The following KITLG variants were observed in gnomAD, a reference collection of about 807,000 sequenced individuals.
The protein encoded by KITLG is c-Kit ligand.
Under a neutral mutation model 34.1 loss-of-function variants are expected in KITLG, and 13 were observed. That is an observed-to-expected ratio of 0.38 (90% CI 0.25 to 0.61). The LOEUF is 0.61. KITLG is among the 20% of genes least tolerant of loss of function. KITLG has a pLI of 0.60. For missense variants in KITLG, 292 were observed against 318.9 expected, an observed-to-expected ratio of 0.92 and a Z score of 0.64; for synonymous variants, 110 against 104.0, an observed-to-expected ratio of 1.06 and a Z score of -0.35.
chr12:88,555,574 T>C lies in KITLG; in HGVS notation c.16-9709A>G, dbSNP rs574351670. Among the ~76,000 whole-genome samples, 6 of 152,348 alleles carry C rather than the reference T, an allele frequency of 3.9e-5. No individual in the cohort carries two copies. The South Asian group carries it at 1.2e-3, about 32-fold the overall frequency. ...AAAGGGTCATGTTACAGAAGGCATA[T>C]AGGTCTCTTTAACTCAATCAGTTTC... On this transcript the variant is annotated intron_variant, in intron 1 of 9. Transcript: ENST00000644744.
chr12:88,540,314 AG>A (rs1870475656), intron 2 of KITLG, among the ~76,000 whole-genome samples: 1 of 152,166 alleles, frequency 6.6e-6, no homozygotes, highest in South Asian at 2.1e-4. Context: ...TAGGTAGTTA[AG>A]GGGTCAAACC....
At chr12:88,545,951 C>A in intron 1 of KITLG, 86 bp from the exon 2 acceptor site, 1 of 796,458 alleles carries the variant, frequency 1.3e-6, no homozygotes. Context: ...CCTTGATGCA[C>A]AAAAAGACCA....
intron 9 of KITLG, among the ~76,000 whole-genome samples, chr12:88,501,308 G>A (rs888024205): frequency 1.3e-5 from 2 of 152,084 alleles, no homozygotes; most frequent in African/African-American, 2.4e-5. Context: ...AGAAATCCTT[G>A]CCATAAACCT....
At chr12:88,545,008 C>T (rs1386671412) in intron 2 of KITLG, among the ~76,000 whole-genome samples, 1 of 152,154 alleles carries the variant, frequency 6.6e-6, no homozygotes, top group Non-Finnish European at 1.5e-5. Context: ...AAGCTTTGTT[C>T]ATCCCGAAAT....
intron 4 of KITLG, among the ~76,000 whole-genome samples, chr12:88,518,342 T>A (rs1039986041): frequency 3.9e-5 from 6 of 152,180 alleles, no homozygotes; most frequent in African/African-American, 1.4e-4. Context: ...TAAAAGGATA[T>A]GTGTTTATTA....
chr12:88,524,795 C>A (rs886572832), intron 3 of KITLG, among the ~76,000 whole-genome samples: 10 of 152,184 alleles, frequency 6.6e-5, no homozygotes, highest in Non-Finnish European at 1.5e-4. Flanking sequence ...ATTCATTCAA[C>A]TAACATTTTA....
intron 1 of KITLG, among the ~76,000 whole-genome samples, chr12:88,560,648 T>G (rs1370008085): frequency 6.6e-6 from 1 of 152,142 alleles, no homozygotes; most frequent in African/African-American, 2.4e-5. Context: ...AACTTCAGCT[T>G]CACTAATATA....
At chr12:88,530,633 C>A (rs925275407) in intron 3 of KITLG, among the ~76,000 whole-genome samples, 1 of 152,014 alleles carries the variant, frequency 6.6e-6, no homozygotes, top group Non-Finnish European at 1.5e-5. Flanking sequence ...GCTTAGTAAC[C>A]AAATAATAAA....
intron 1 of KITLG, among the ~76,000 whole-genome samples, chr12:88,559,911 C>A (rs1871241705): frequency 6.6e-6 from 1 of 152,154 alleles, no homozygotes; most frequent in Non-Finnish European, 1.5e-5. Flanking sequence ...TCTACAACTG[C>A]AGGTTCAATG....
chr12:88,563,824 T>C (rs898194040), intron 1 of KITLG, among the ~76,000 whole-genome samples: 1 of 152,084 alleles, frequency 6.6e-6, no homozygotes, highest in Non-Finnish European at 1.5e-5. Flanking sequence ...TAGCTGGGCA[T>C]GGTGGTGGGC....
intron 1 of KITLG, among the ~76,000 whole-genome samples, chr12:88,557,217 A>C (rs1338655240): frequency 6.6e-6 from 1 of 152,150 alleles, no homozygotes; most frequent in African/African-American, 2.4e-5. Context: ...TAACAGAGCC[A>C]GGTGAGCTCA....
intron 1 of KITLG, among the ~76,000 whole-genome samples, chr12:88,573,547 T>C (rs1159996368): frequency 6.6e-6 from 1 of 152,096 alleles, no homozygotes; most frequent in Non-Finnish European, 1.5e-5. Flanking sequence ...AGTGAAGACA[T>C]TGAAAGGGAA....
intron 3 of KITLG, among the ~76,000 whole-genome samples, chr12:88,521,305 T>C (rs1464088591): frequency 6.6e-6 from 1 of 152,124 alleles, no homozygotes; most frequent in Non-Finnish European, 1.5e-5. Context: ...TGTCTAGCAG[T>C]TTTGTAATTT....
chr12:88,569,701 A>C (rs1871576195), intron 1 of KITLG, among the ~76,000 whole-genome samples: 1 of 152,168 alleles, frequency 6.6e-6, no homozygotes, highest in Non-Finnish European at 1.5e-5. Flanking sequence ...ATCTGACTGC[A>C]GAGTTTGGTT....
chr12:88,511,481 A>G (rs902564808), intron 6 of KITLG, among the ~76,000 whole-genome samples: 5 of 152,132 alleles, frequency 3.3e-5, no homozygotes, highest in African/African-American at 1.2e-4. Context: ...CTAGGGAGTC[A>G]GAGATTGAAG....
At chr12:88,572,104 C>A (rs1592590247) in intron 1 of KITLG, among the ~76,000 whole-genome samples, 1 of 152,036 alleles carries the variant, frequency 6.6e-6, no homozygotes, top group Non-Finnish European at 1.5e-5. Context: ...CATTTAAATG[C>A]CAAACACTTG....
intron 6 of KITLG, among the ~76,000 whole-genome samples, chr12:88,511,126 C>A (rs1869263267): frequency 6.6e-6 from 1 of 152,122 alleles, no homozygotes; most frequent in African/African-American, 2.4e-5. Flanking sequence ...ATTCATCTTG[C>A]AATTTAAAAA....
intron 2 of KITLG, among the ~76,000 whole-genome samples, chr12:88,534,939 A>C (rs1870253867): frequency 6.6e-6 from 1 of 152,142 alleles, no homozygotes; most frequent in South Asian, 2.1e-4. Context: ...ATTCTATCTC[A>C]TTTTGAATAA....
intron 1 of KITLG, among the ~76,000 whole-genome samples, chr12:88,572,401 A>C (rs575910396): frequency 2.4e-4 from 37 of 151,672 alleles, no homozygotes; most frequent in Admixed American, 4.6e-4. Context: ...ATAAATGCCT[A>C]AATACATTTT....
Sources: allele counts gnomAD v4.1 joint callset (sites outside exome capture counted in the v4.1 genomes callset), GRCh38; gene constraint gnomAD v4.1.1; transcripts MANE v1.5; gene names NCBI Gene and HGNC (gene_info 2026-07-23, HGNC 2026-07-21).